Variants in TMEM71 observed in about 807,000 individuals in gnomAD.
TMEM71 encodes transmembrane protein 71.
TMEM71 carries 44 observed loss-of-function variants against 38.0 expected under a neutral mutation model. That is an observed-to-expected ratio of 1.16 (90% CI 0.91 to 1.49). The LOEUF (loss-of-function observed/expected upper bound fraction) is 1.49, where lower values mean the gene tolerates loss of function less well. Among genes scored for constraint, TMEM71 ranks in the 40% most tolerant of loss-of-function variants. TMEM71 has a pLI of 0.00. For synonymous variants in TMEM71, 133 were observed against 122.5 expected (o/e 1.09, Z -0.56); for missense variants, 367 against 348.6 (o/e 1.05, Z -0.42).
chr8:132,759,118 C>T (rs1462252098), intron 1 of TMEM71, among the ~76,000 whole-genome samples: 1 of 152,138 alleles, frequency 6.6e-6, no homozygotes, highest in Non-Finnish European at 1.5e-5. Flanking sequence ...TTTCCATTGC[C>T]TCACTCAGTG....
intron 5 of TMEM71, among the ~76,000 whole-genome samples, chr8:132,744,808 C>A (rs1828245305): frequency 6.6e-6 from 1 of 152,124 alleles, no homozygotes; most frequent in Admixed American, 6.5e-5. Flanking sequence ...ACCAAAACAG[C>A]ATGGTACTGG....
intron 2 of TMEM71, chr8:132,758,461 A>G (rs1333616596): frequency 3.3e-5 from 6 of 182,540 alleles, no homozygotes; most frequent in Non-Finnish European, 6.9e-5. Context: ...AGAGGAAGGA[A>G]GAAACTTGAA....
chr8:132,772,015 G>T, the TMEM71 span, among the ~76,000 whole-genome samples: 5 of 152,156 alleles, frequency 3.3e-5, no homozygotes, highest in African/African-American at 4.8e-5. Context: ...GGCTATCACA[G>T]TAGTTTACGT....
At chr8:132,765,783 T>C in the TMEM71 span, among the ~76,000 whole-genome samples, 3 of 151,158 alleles carry the variant, frequency 2.0e-5, no homozygotes, top group African/African-American at 4.9e-5. Context: ...ATTACTATTA[T>C]TATTATTATT....
At chr8:132,764,546 C>A (rs1026225202), upstream of TMEM71, among the ~76,000 whole-genome samples, 121 of 152,314 alleles carry the variant, frequency 7.9e-4, no homozygotes, top group African/African-American at 2.8e-3. Flanking sequence ...ATTTTTCAGC[C>A]TCATTGTTCC....
intron 7 of TMEM71, among the ~76,000 whole-genome samples, chr8:132,718,310 T>C (rs1826646273): frequency 6.6e-6 from 1 of 150,854 alleles, no homozygotes; most frequent in Non-Finnish European, 1.5e-5. Context: ...ACACAATAAA[T>C]TATTTGAAAA....
intron 9 of TMEM71, among the ~76,000 whole-genome samples, chr8:132,711,699 C>CAG (rs1175888075): frequency 1.2e-4 from 19 of 152,138 alleles, no homozygotes; most frequent in African/African-American, 4.6e-4. Flanking sequence ...TCCCTATCTT[C>CAG]ACAGGCTTTA....
At chr8:132,767,380 T>G in the TMEM71 span, among the ~76,000 whole-genome samples, 1 of 152,152 alleles carries the variant, frequency 6.6e-6, no homozygotes, top group Non-Finnish European at 1.5e-5. Flanking sequence ...CATTCTATTC[T>G]AAGAACATAT....
At chr8:132,771,599 A>G in the TMEM71 span, among the ~76,000 whole-genome samples, 1 of 151,280 alleles carries the variant, frequency 6.6e-6, no homozygotes, top group Non-Finnish European at 1.5e-5. Context: ...TGTACTTTGT[A>G]TTTATAATAT....
chr8:132,765,398 G>A (rs865836705), upstream of TMEM71, among the ~76,000 whole-genome samples: 9 of 152,194 alleles, frequency 5.9e-5, no homozygotes, highest in African/African-American at 2.2e-4. Flanking sequence ...ACAAGTCCTA[G>A]TAGAGGAGAG....
At chr8:132,721,978 T>C (rs1826876484) in intron 7 of TMEM71, 62 bp downstream of exon 7, 1 of 1,384,536 alleles carries the variant, frequency 7.2e-7, no homozygotes, top group African/African-American at 1.4e-5. Flanking sequence ...AAGGAAATCA[T>C]CAATCAGCTA....
At chr8:132,717,322 A>G (rs980647065) in intron 7 of TMEM71, among the ~76,000 whole-genome samples, 6 of 152,232 alleles carry the variant, frequency 3.9e-5, no homozygotes, top group Non-Finnish European at 8.8e-5. Context: ...TAGGAAAAAC[A>G]TTTGCAAATC....
intron 3 of TMEM71, among the ~76,000 whole-genome samples, chr8:132,753,829 G>A (rs1042265342): frequency 6.6e-6 from 1 of 152,118 alleles, no homozygotes; most frequent in Non-Finnish European, 1.5e-5. Context: ...TCTGTGCTTA[G>A]CACCTAGTAT....
At chr8:132,746,425 A>ATACATATATATG (rs1309583141) in intron 5 of TMEM71, among the ~76,000 whole-genome samples, 8 of 19,160 alleles carry the variant, frequency 4.2e-4, no homozygotes, top group African/African-American at 8.7e-4. Flanking sequence ...ACACATATAT[A>ATACATATATATG]TACATATATA....
chr8:132,727,668 C>T (rs981499957), intron 6 of TMEM71, 130 bp downstream of exon 6: 5 of 737,330 alleles, frequency 6.8e-6, no homozygotes, highest in Non-Finnish European at 1.1e-5. Context: ...GGCAGAGGCC[C>T]CATGTCCTCC....
upstream of TMEM71, among the ~76,000 whole-genome samples, chr8:132,762,113 T>C (rs980400058): frequency 3.3e-5 from 5 of 152,250 alleles, no homozygotes; most frequent in Non-Finnish European, 4.4e-5. Context: ...CAGCAACACA[T>C]AGCAGATGCA....
chr8:132,752,563 T>C (rs1013913583), intron 3 of TMEM71, among the ~76,000 whole-genome samples: 3 of 152,096 alleles, frequency 2.0e-5, no homozygotes, highest in African/African-American at 4.8e-5. Flanking sequence ...ATATGTGTCT[T>C]AGTTTTAAAA....
At chr8:132,750,293 G>C (rs1436369970) in intron 4 of TMEM71, among the ~76,000 whole-genome samples, 1 of 152,164 alleles carries the variant, frequency 6.6e-6, no homozygotes, top group Non-Finnish European at 1.5e-5. Flanking sequence ...GATGCCTGTA[G>C]GAAATCCCTC....
Position 132,728,039 on chromosome 8 carries a change from TG to T in TMEM71, c.488-54del, listed in dbSNP as rs1827252033. The T allele has an allele frequency of 6.5e-6, 9 of 1,393,518 alleles. No individual in the cohort carries two copies. In the East Asian group the frequency reaches 2.1e-4, roughly 33 times the overall value. 86.3% of individuals were successfully genotyped at this position (1,393,518 alleles called of 1,614,324 possible). A position where few individuals can be genotyped will look rare whatever the true frequency, so the allele number is the denominator to read the frequency against. On this transcript the variant is annotated intron_variant, in intron 5 of 9. Transcript: ENST00000677595. ...GTGTGTGTGTGTGTGTGTGTGTGTG[TG>T]TGTGTGTGTTCAGTGACTGCTCAAT...
Sources: gnomAD v4.1 joint callset for allele counts (sites outside exome capture counted in the v4.1 genomes callset) on GRCh38, gnomAD v4.1.1 for gene constraint, MANE v1.5 for transcripts, NCBI Gene and HGNC (gene_info 2026-07-23, HGNC 2026-07-21) for gene names.